The following RNF24 variants were observed in gnomAD, a reference collection of about 807,000 sequenced individuals.
RNF24 encodes the protein ring finger protein 24.
A neutral mutation model predicts 20.0 loss-of-function variants in RNF24; 14 were observed. That is an observed-to-expected ratio of 0.70 (90% CI 0.46 to 1.10). The LOEUF is 1.10. Among genes scored for constraint, RNF24 ranks in the 50% least tolerant of loss-of-function variants. The pLI is 0.00. For synonymous variants in RNF24, 45 were observed against 61.1 expected (o/e 0.74, Z 1.23); for missense variants, 124 against 177.6 (o/e 0.70, Z 1.71).
intron 1 of RNF24, among the ~76,000 whole-genome samples, chr20:4,013,045 C>CT (rs201599924): frequency 0.028 from 4,269 of 151,656 alleles, 141 homozygotes; most frequent in African/African-American, 0.077. Flanking sequence ...TTCATAAAAG[C>CT]CTTGTTTTAA....
rs1189698523 is a variant in RNF24, at chr20:3,932,230, T to C, written c.*1833A>G. The C allele has an allele frequency of 6.6e-6, 1 of 152,226 alleles. No individual in the cohort carries two copies. The highest frequency in any genetic ancestry group is 1.5e-5 in the Non-Finnish European group (1 of 68,046). The allele number at this position is 152,226 out of a possible 1,614,324, so 9.4% of individuals were successfully genotyped here. On this transcript the variant is annotated 3_prime_UTR_variant, in exon 6 of 6. Transcript: ENST00000358395. ...ACAGCTCACTATAAACGGGGTGTTT[T>C]GTGGCATTCAACTCTGTTGTGCTAC...
intron 4 of RNF24, among the ~76,000 whole-genome samples, chr20:3,937,301 C>T (rs1349458052): frequency 6.6e-6 from 1 of 152,156 alleles, no homozygotes; most frequent in Non-Finnish European, 1.5e-5. Context: ...CCTCAGATGA[C>T]TTCCTAGAAG....
At chr20:3,957,457 CA>C (rs71195873) in intron 2 of RNF24, among the ~76,000 whole-genome samples, 12,166 of 94,496 alleles carry the variant, frequency 0.13, 588 homozygotes, top group Non-Finnish European at 0.16. Context: ...GACCCTGTCT[CA>C]AAAAAAAAAA....
intron 2 of RNF24, among the ~76,000 whole-genome samples, chr20:3,948,525 C>T (rs373269196): frequency 3.9e-5 from 6 of 151,968 alleles, no homozygotes; most frequent in Non-Finnish European, 8.8e-5. Flanking sequence ...CGACAGTCTA[C>T]TTATTTCAAT....
chr20:4,010,000 G>A lies in RNF24; in HGVS notation c.-8+5437C>T, dbSNP rs192800078. ...TGGGAGGCAGAGGTCGAAGTGAGCC[G>A]AGATCACGCCACTGCACTCCAGCCT... On this transcript the variant is annotated intron_variant, in intron 1 of 5. Transcript: ENST00000358395. 2.5e-4 allele frequency among the ~76,000 whole-genome samples: 38 copies of A among 151,744 alleles called. 1 individual carries two copies. In the East Asian group the frequency reaches 7.0e-3, roughly 28 times the overall value.
chr20:3,933,123 G>C lies in RNF24; in HGVS notation c.*940C>G, dbSNP rs6139247. 5.5e-5 allele frequency: 19 copies of C among 346,740 alleles called. No individual in the cohort carries two copies. 21.5% of individuals were successfully genotyped at this position (346,740 alleles called of 1,614,324 possible). On this transcript the variant is annotated 3_prime_UTR_variant, in exon 6 of 6. Transcript: ENST00000358395. ...AAGAGAGATAGGGCAAGAGAGAGAA[G>C]AGATGGAAGGAGGGGGAGAGGCCAA...
At position 3,929,756 on chromosome 20, in the gene RNF24, C is replaced by G. The variant is rs929934653; in HGVS notation, c.*4307G>C. On this transcript the variant is annotated 3_prime_UTR_variant, in exon 6 of 6. Coordinates refer to ENST00000358395, the MANE Select transcript of RNF24 (RefSeq NM_001134337.3). ...GAGCATCCTGTCGCAGATAGAAAGT[C>G]AATCAGAAAAATCTGGTTGTGCTCT... The G allele has an allele frequency of 6.6e-6, 1 of 152,192 alleles. No individual in the cohort carries two copies. The highest frequency in any genetic ancestry group is 1.5e-5 in the Non-Finnish European group (1 of 68,006). 9.4% of individuals were successfully genotyped at this position (152,192 alleles called of 1,614,324 possible).
At position 3,933,571 on chromosome 20, in the gene RNF24, C is replaced by T. The variant is rs1046684957; in HGVS notation, c.*492G>A. The T allele has an allele frequency of 5.5e-6, 1 of 181,356 alleles. No homozygotes were observed. Among genetic ancestry groups the T allele is most frequent in the African/African-American group, 2.3e-5 (1 of 42,704 alleles). The allele number at this position is 181,356 out of a possible 1,614,324, so 11.2% of individuals were successfully genotyped here. A position where few individuals can be genotyped will look rare whatever the true frequency, so the allele number is the denominator to read the frequency against. ...CCTTATCAAAGGCATACAACATGAGCCTTGTGGGCACTGCCTCACCAACCA... is the reference window on the plus strand; with the variant it reads ...CCTTATCAAAGGCATACAACATGAGTCTTGTGGGCACTGCCTCACCAACCA... On this transcript the variant is annotated 3_prime_UTR_variant, in exon 6 of 6. Transcript: ENST00000358395.
chr20:3,942,365 C>T (rs531550040), intron 4 of RNF24, among the ~76,000 whole-genome samples: 86 of 148,216 alleles, frequency 5.8e-4, no homozygotes, highest in African/African-American at 2.0e-3. Flanking sequence ...GATGAGGTCT[C>T]ACTATGTTGC....
intron 2 of RNF24, among the ~76,000 whole-genome samples, chr20:3,961,099 G>T (rs1450510157): frequency 6.6e-6 from 1 of 152,070 alleles, no homozygotes; most frequent in African/African-American, 2.4e-5. Context: ...GGCCTGTTAG[G>T]CTGATTATAA....
In RNF24 at chr20:4,011,297, A is replaced by G. The variant is rs181644473; in HGVS notation, c.-8+4140T>C. ...TCAAGAGTGAAGGTAAAATGAAGGC[A>G]TTTCCAGACATGTAACTTCTGAATT... is the stretch of plus-strand genomic sequence containing the variant. On this transcript the variant is annotated intron_variant, in intron 1 of 5. Coordinates refer to ENST00000358395, the MANE Select transcript of RNF24 (RefSeq NM_001134337.3). Among the ~76,000 whole-genome samples the G allele has an allele frequency of 1.4e-4, 22 of 152,354 alleles. No individual in the cohort carries two copies. The East Asian group carries it at 4.2e-3, about 29-fold the overall frequency.
At position 3,931,860 on chromosome 20, in the gene RNF24, GTGC is replaced by G. The variant is rs2090827840; in HGVS notation, c.*2200_*2202del. 1 of 152,238 alleles carries G rather than the reference GTGC, an allele frequency of 6.6e-6. No individual in the cohort carries two copies. The allele number at this position is 152,238 out of a possible 1,614,324, so 9.4% of individuals were successfully genotyped here. A position where few individuals can be genotyped will look rare whatever the true frequency, so the allele number is the denominator to read the frequency against. ...TATCTGGGCTTTGCGCCCTGGTCCA[GTGC>G]TACGTATCAACCCCCTCAACATGCC... On this transcript the variant is annotated 3_prime_UTR_variant, in exon 6 of 6. Coordinates refer to ENST00000358395, the MANE Select transcript of RNF24 (RefSeq NM_001134337.3).
intron 4 of RNF24, among the ~76,000 whole-genome samples, chr20:3,939,810 C>T (rs1600626446): frequency 6.6e-6 from 1 of 152,180 alleles, no homozygotes; most frequent in Non-Finnish European, 1.5e-5. Context: ...ACCAATATTA[C>T]ATTTTCTAAC....
At chr20:3,943,098 G>C (rs1345644236) in intron 4 of RNF24, among the ~76,000 whole-genome samples, 1 of 152,160 alleles carries the variant, frequency 6.6e-6, no homozygotes, top group Non-Finnish European at 1.5e-5. Context: ...TTATAGGTGT[G>C]AGCCACCCAG....
intron 1 of RNF24, among the ~76,000 whole-genome samples, chr20:3,985,169 C>T (rs1218213032): frequency 3.3e-5 from 5 of 152,102 alleles, no homozygotes; most frequent in South Asian, 4.1e-4. Flanking sequence ...CTCATTATTT[C>T]GATTCCATTT....
intron 1 of RNF24, 135 bp downstream of exon 1, chr20:4,015,302 G>A (rs1480264155): frequency 2.0e-5 from 3 of 152,152 alleles, no homozygotes; most frequent in African/African-American, 7.2e-5. Context: ...CGAGGCGCCG[G>A]GAGAGTGTGT....
At chr20:3,935,744 T>C (rs981884183) in intron 4 of RNF24, among the ~76,000 whole-genome samples, 1 of 152,246 alleles carries the variant, frequency 6.6e-6, no homozygotes, top group Non-Finnish European at 1.5e-5. Context: ...TCCAACACTT[T>C]CCTGGGCATT....
chr20:3,942,663 CG>C (rs1221339958), intron 4 of RNF24, among the ~76,000 whole-genome samples: 1 of 151,916 alleles, frequency 6.6e-6, no homozygotes, highest in African/African-American at 2.4e-5. Flanking sequence ...TTAGTAGAGA[CG>C]GGGTTTCACC....
At chr20:3,977,242 G>C (rs1978941964) in intron 1 of RNF24, among the ~76,000 whole-genome samples, 1 of 152,188 alleles carries the variant, frequency 6.6e-6, no homozygotes, top group South Asian at 2.1e-4. Flanking sequence ...TTTCAGCAAA[G>C]CATGGAAGAT....
Sources: allele counts gnomAD v4.1 joint callset (sites outside exome capture counted in the v4.1 genomes callset), GRCh38; gene constraint gnomAD v4.1.1; transcripts MANE v1.5; gene names NCBI Gene and HGNC (gene_info 2026-07-23, HGNC 2026-07-21).